Variants in SLC5A4 observed in about 807,000 individuals in gnomAD.
SLC5A4 encodes the protein probable glucose sensor protein SLC5A4.
In SLC5A4, 55 loss-of-function variants were observed where a neutral mutation model predicts 70.3. The ratio of observed to expected loss-of-function variants is 0.78; its 90% CI spans 0.63 to 0.98. The LOEUF (loss-of-function observed/expected upper bound fraction) is 0.98. SLC5A4 is among the 50% of genes least tolerant of loss of function. The pLI is 0.00. For missense variants in SLC5A4, 735 were observed against 839.2 expected (o/e 0.88, Z 1.53); for synonymous variants, 268 against 305.7 (o/e 0.88, Z 1.29).
chr22:32,326,770 G>T, the SLC5A4 span, among the ~76,000 whole-genome samples: 1 of 152,200 alleles, frequency 6.6e-6, no homozygotes. Context: ...GATGAGGCTG[G>T]ATTAACTGGC....
the SLC5A4 span, among the ~76,000 whole-genome samples, chr22:32,267,626 A>G: frequency 1.3e-5 from 2 of 152,182 alleles, no homozygotes; most frequent in African/African-American, 4.8e-5. Context: ...CTACAGGCAC[A>G]TGCCACTGCA....
chr22:32,279,517 G>A, the SLC5A4 span, among the ~76,000 whole-genome samples: 7 of 152,182 alleles, frequency 4.6e-5, no homozygotes, highest in East Asian at 1.4e-3. Flanking sequence ...AGGGCCGGAT[G>A]TGGTGGCTCA....
the SLC5A4 span, among the ~76,000 whole-genome samples, chr22:32,260,955 C>T: frequency 6.6e-6 from 1 of 152,122 alleles, no homozygotes; most frequent in Non-Finnish European, 1.5e-5. Flanking sequence ...CTCCTGTAAT[C>T]CCAGCTAGTC....
At chr22:32,323,372 G>A in the SLC5A4 span, among the ~76,000 whole-genome samples, 33,551 of 152,166 alleles carry the variant, frequency 0.22, 3,786 homozygotes, top group Admixed American at 0.25. Context: ...CAAGCTCTGG[G>A]ATAAAGTCCC....
chr22:32,306,555 T>G, the SLC5A4 span, among the ~76,000 whole-genome samples: 23,132 of 152,062 alleles, frequency 0.15, 1,981 homozygotes, highest in East Asian at 0.33. Context: ...CCAGTATTAT[T>G]AGGAATGTTT....
At chr22:32,234,764 A>C in intron 8 of SLC5A4, 109 bp downstream of exon 8, 1 of 866,372 alleles carries the variant, frequency 1.2e-6, no homozygotes, top group African/African-American at 1.7e-5. Flanking sequence ...TGTGTGCAAA[A>C]TGGAAACTAA....
chr22:32,280,623 G>A, the SLC5A4 span, among the ~76,000 whole-genome samples: 6 of 152,186 alleles, frequency 3.9e-5, no homozygotes, highest in African/African-American at 7.2e-5. Flanking sequence ...TCCACTGAGG[G>A]CAGGGACTCT....
intron 6 of SLC5A4, among the ~76,000 whole-genome samples, chr22:32,237,667 G>A (rs1205358748): frequency 6.6e-6 from 1 of 152,152 alleles, no homozygotes; most frequent in African/African-American, 2.4e-5. Flanking sequence ...CAGTGCACCT[G>A]CTCTAAAATA....
chr22:32,325,036 T>C, the SLC5A4 span, among the ~76,000 whole-genome samples: 133 of 152,348 alleles, frequency 8.7e-4, 2 homozygotes, highest in Admixed American at 8.6e-3. Flanking sequence ...CCTGCCCTGA[T>C]GCGGGAGTCA....
chr22:32,230,901 ATAACCCTTCCTCGAGGCCCG>A, intron 10 of SLC5A4, 47 bp downstream of exon 10: 1 of 948,264 alleles, frequency 1.1e-6, no homozygotes, highest in Non-Finnish European at 1.7e-6. Context: ...GAATTGCACC[ATAACCCTTCCTCGAGGCCCG>A]TCTTAGACAG....
the SLC5A4 span, among the ~76,000 whole-genome samples, chr22:32,346,450 A>G: frequency 6.6e-6 from 1 of 152,078 alleles, no homozygotes; most frequent in Admixed American, 6.5e-5. Flanking sequence ...CCTGACTTCA[A>G]ACTATACTAC....
chr22:32,310,918 CTCATCTCCTGCCT>C, the SLC5A4 span, among the ~76,000 whole-genome samples: 1 of 152,232 alleles, frequency 6.6e-6, no homozygotes, highest in Non-Finnish European at 1.5e-5. Flanking sequence ...CACTCTTGCC[CTCATCTCCTGCCT>C]TCCCTCTGGG....
the SLC5A4 span, among the ~76,000 whole-genome samples, chr22:32,281,917 C>T: frequency 6.6e-6 from 1 of 152,188 alleles, no homozygotes; most frequent in African/African-American, 2.4e-5. Flanking sequence ...GATCTTGGCT[C>T]ACTGCAACCT....
chr22:32,263,763 G>C, the SLC5A4 span, among the ~76,000 whole-genome samples: 1 of 151,990 alleles, frequency 6.6e-6, no homozygotes, highest in Admixed American at 6.6e-5. Context: ...TTTTTATTGC[G>C]GTACTATTCA....
At chr22:32,289,904 C>G in the SLC5A4 span, among the ~76,000 whole-genome samples, 1 of 152,042 alleles carries the variant, frequency 6.6e-6, no homozygotes. Context: ...CAGGGTAATT[C>G]TAGTCTCAAA....
the SLC5A4 span, among the ~76,000 whole-genome samples, chr22:32,348,905 T>C: frequency 6.6e-6 from 1 of 152,230 alleles, no homozygotes; most frequent in South Asian, 2.1e-4. Flanking sequence ...AAATGTCCCA[T>C]AACTTGCTTA....
chr22:32,228,758 A>G (rs1411063238), intron 11 of SLC5A4, among the ~76,000 whole-genome samples: 5 of 152,094 alleles, frequency 3.3e-5, no homozygotes, highest in African/African-American at 9.7e-5. Flanking sequence ...ACACAGCCCA[A>G]TCATTAATGA....
chr22:32,310,248 T>G, the SLC5A4 span, among the ~76,000 whole-genome samples: 1 of 152,116 alleles, frequency 6.6e-6, no homozygotes, highest in Non-Finnish European at 1.5e-5. Context: ...CTATAGAGCA[T>G]CATCCAGGAC....
At chr22:32,345,429 CTG>C in the SLC5A4 span, among the ~76,000 whole-genome samples, 4 of 152,168 alleles carry the variant, frequency 2.6e-5, no homozygotes, top group Non-Finnish European at 4.4e-5. Context: ...GCATTCCTTT[CTG>C]TTCAATTGAT....
Sources: allele counts gnomAD v4.1 joint callset (sites outside exome capture counted in the v4.1 genomes callset), GRCh38; gene constraint gnomAD v4.1.1; transcripts MANE v1.5; gene names NCBI Gene and HGNC (gene_info 2026-07-23, HGNC 2026-07-21).